SLIT2: variants seen among roughly 807,000 people sequenced by gnomAD.
SLIT2 encodes the protein slit guidance ligand 2.
SLIT2 carries 41 observed loss-of-function variants against 185.7 expected under a neutral mutation model. The observed-to-expected ratio is 0.22, with a 90% CI of 0.17 to 0.29. The LOEUF (loss-of-function observed/expected upper bound fraction) is 0.29, where lower values mean the gene tolerates loss of function less well. Among genes scored for constraint, SLIT2 ranks in the 10% least tolerant of loss-of-function variants. The probability of loss-of-function intolerance (pLI) is 1.00; values close to 1 mark genes in which losing one functional copy is unlikely to be tolerated. For synonymous variants in SLIT2, 693 were observed against 680.2 expected, an observed-to-expected ratio of 1.02 and a Z score of -0.29; for missense variants, 1,571 against 1,909.0, an observed-to-expected ratio of 0.82 and a Z score of 3.30.
rs764376134 is a variant in SLIT2 at position 20,553,961 on chromosome 4, C to G, written c.2718C>G (p.Thr906=). ...LLLTTPSKKF[T]CQGPVDVNIL... ...TCACAACTCCCTCCAAAAAATTTAC[C>G]TGTCAAGGTATGGTTTTTAATCATT... is the stretch of plus-strand genomic sequence containing the variant. Residue 906 remains threonine, a synonymous_variant, in exon 26 of 37, where the codon ACC becomes ACG. Transcript: ENST00000504154. 3 of 1,595,706 alleles carry G rather than the reference C, an allele frequency of 1.9e-6. No homozygotes were observed. Among genetic ancestry groups the G allele is most frequent in the East Asian group, 4.5e-5 (2 of 44,736 alleles).
rs185120523 is a variant in SLIT2 at position 20,352,843 on chromosome 4, G to A, written c.395+83962G>A. Among the ~76,000 whole-genome samples the A allele has an allele frequency of 3.6e-4, 55 of 152,276 alleles. No homozygotes were observed. In the East Asian group the frequency reaches 0.01, roughly 29 times the overall value. Reference sequence around the variant, plus strand: ...TGGGAGAATCGCTTGAACCTGGGAGGCAGAGGTTGCCATGAGCCGAGAGTG... The same window carrying A: ...TGGGAGAATCGCTTGAACCTGGGAGACAGAGGTTGCCATGAGCCGAGAGTG... On this transcript the variant is annotated intron_variant, in intron 4 of 36. Transcript: ENST00000504154.
At chr4:20,349,858 C>T (rs1422922283) in intron 4 of SLIT2, among the ~76,000 whole-genome samples, 1 of 152,162 alleles carries the variant, frequency 6.6e-6, no homozygotes, top group Non-Finnish European at 1.5e-5. Context: ...TCTAGGCATG[C>T]ACTACACATC....
rs1486388000 is a variant in SLIT2 at position 20,511,000 on chromosome 4, G to A, written c.987-66G>A. ...AACCAACATTTAAAAGCCATACATAGCTTTTTCCGCAGTAAATCTCACTGA... is the reference window on the plus strand; with the variant it reads ...AACCAACATTTAAAAGCCATACATAACTTTTTCCGCAGTAAATCTCACTGA... On this transcript the variant is annotated intron_variant, in intron 10 of 36. Coordinates refer to ENST00000504154, the MANE Select transcript of SLIT2 (RefSeq NM_004787.4). The A allele has an allele frequency of 2.9e-6, 3 of 1,018,052 alleles. No homozygotes were observed. The African/African-American group carries it at 4.7e-5, about 16-fold the overall frequency. 63.1% of individuals were successfully genotyped at this position (1,018,052 alleles called of 1,614,324 possible).
chr4:20,302,180 C>T (rs150610128), intron 4 of SLIT2, among the ~76,000 whole-genome samples: 1,882 of 152,180 alleles, frequency 0.012, 19 homozygotes, highest in Non-Finnish European at 0.016. Flanking sequence ...CACTCATGTT[C>T]GAATCTATTC....
intron 4 of SLIT2, among the ~76,000 whole-genome samples, chr4:20,345,692 TG>T (rs1394742155): frequency 1.3e-5 from 1 of 75,846 alleles, no homozygotes; most frequent in African/African-American, 3.4e-5. Flanking sequence ...CACACCACCA[TG>T]CCCGGCTAAT....
intron 4 of SLIT2, among the ~76,000 whole-genome samples, chr4:20,437,914 C>CAAAAAAAAAA (rs1224604666): frequency 1.5e-5 from 1 of 65,614 alleles, no homozygotes; most frequent in Non-Finnish European, 2.8e-5. Context: ...GACTCCGTCT[C>CAAAAAAAAAA]AAAAAAAAAA....
intron 4 of SLIT2, among the ~76,000 whole-genome samples, chr4:20,461,254 G>A (rs1182467570): frequency 6.6e-6 from 1 of 152,178 alleles, no homozygotes; most frequent in Non-Finnish European, 1.5e-5. Flanking sequence ...AGAATTAAGA[G>A]CATGAAATTC....
intron 4 of SLIT2, among the ~76,000 whole-genome samples, chr4:20,390,791 C>CT (rs1725359079): frequency 6.9e-6 from 1 of 144,662 alleles, no homozygotes; most frequent in African/African-American, 2.5e-5. Flanking sequence ...TATATATATA[C>CT]TAAGACAATT....
chr4:20,408,808 G>A (rs910385614), intron 4 of SLIT2, among the ~76,000 whole-genome samples: 1 of 152,100 alleles, frequency 6.6e-6, no homozygotes, highest in Non-Finnish European at 1.5e-5. Flanking sequence ...AGTTTGCATC[G>A]CTGTGGCTCA....
At chr4:20,373,382 C>A (rs1020966472) in intron 4 of SLIT2, among the ~76,000 whole-genome samples, 9 of 151,952 alleles carry the variant, frequency 5.9e-5, no homozygotes, top group African/African-American at 1.9e-4. Context: ...AAAATAATTT[C>A]TCCTATTTGC....
At chr4:20,325,275 G>A (rs544254866) in intron 4 of SLIT2, among the ~76,000 whole-genome samples, 1 of 151,720 alleles carries the variant, frequency 6.6e-6, no homozygotes, top group African/African-American at 2.4e-5. Flanking sequence ...AGAATACTCA[G>A]AAAAATGTTC....
intron 4 of SLIT2, among the ~76,000 whole-genome samples, chr4:20,357,069 A>T (rs559405715): frequency 1.3e-5 from 2 of 152,338 alleles, no homozygotes; most frequent in East Asian, 3.9e-4. Flanking sequence ...TTGTTAAACC[A>T]GCATTTTGTA....
chr4:20,454,359 T>A (rs1020506029), intron 4 of SLIT2, among the ~76,000 whole-genome samples: 12 of 152,228 alleles, frequency 7.9e-5, no homozygotes, highest in Admixed American at 7.9e-4. Flanking sequence ...TGATATATAT[T>A]ATTTACCTGG....
intron 4 of SLIT2, among the ~76,000 whole-genome samples, chr4:20,382,379 A>G (rs1724597018): frequency 6.6e-6 from 1 of 152,178 alleles, no homozygotes; most frequent in Non-Finnish European, 1.5e-5. Context: ...TACAGCTTGA[A>G]AAAGAAGCAG....
At chr4:20,472,249 T>G (rs1306991949) in intron 5 of SLIT2, among the ~76,000 whole-genome samples, 1 of 36,530 alleles carries the variant, frequency 2.7e-5, no homozygotes, top group Non-Finnish European at 4.8e-5. Context: ...TATATATCTA[T>G]ATATAGATCT....
chr4:20,470,673 T>C (rs912133370), intron 5 of SLIT2, among the ~76,000 whole-genome samples: 5 of 152,070 alleles, frequency 3.3e-5, no homozygotes, highest in Non-Finnish European at 7.4e-5. Flanking sequence ...CCTCCCAGGT[T>C]CAAGCAATTC....
intron 4 of SLIT2, among the ~76,000 whole-genome samples, chr4:20,441,072 A>AG (rs1018434041): frequency 6.6e-6 from 1 of 152,108 alleles, no homozygotes; most frequent in Non-Finnish European, 1.5e-5. Flanking sequence ...AAAAAAAAAA[A>AG]AATTCCTTCA....
At chr4:20,564,513 T>A (rs1724935612) in intron 26 of SLIT2, among the ~76,000 whole-genome samples, 1 of 151,920 alleles carries the variant, frequency 6.6e-6, no homozygotes, top group Non-Finnish European at 1.5e-5. Context: ...TACAAACATC[T>A]TTTGTATTAC....
intron 4 of SLIT2, among the ~76,000 whole-genome samples, chr4:20,393,149 A>T (rs1323226989): frequency 6.6e-6 from 1 of 152,044 alleles, no homozygotes; most frequent in Non-Finnish European, 1.5e-5. Flanking sequence ...TTATAATCTT[A>T]TAGGACCATC....
Sources: allele counts gnomAD v4.1 joint callset (sites outside exome capture counted in the v4.1 genomes callset), GRCh38; gene constraint gnomAD v4.1.1; transcripts MANE v1.5; gene names NCBI Gene and HGNC (gene_info 2026-07-23, HGNC 2026-07-21).